The following SYK variants were observed in gnomAD, a reference collection of about 807,000 sequenced individuals.
The protein encoded by SYK is spleen associated tyrosine kinase, also known as tyrosine-protein kinase SYK.
In SYK, 16 loss-of-function variants were observed where a neutral mutation model predicts 77.8. The ratio of observed to expected loss-of-function variants is 0.21; its 90% CI spans 0.14 to 0.31. SYK has a LOEUF of 0.31. Among genes scored for constraint, SYK ranks in the 10% least tolerant of loss-of-function variants. The probability of loss-of-function intolerance (pLI) is 1.00; values close to 1 mark genes in which losing one functional copy is unlikely to be tolerated. For synonymous variants in SYK, 312 were observed against 308.7 expected (o/e 1.01, Z -0.11); for missense variants, 529 against 814.4 (o/e 0.65, Z 4.26).
chr9:90,878,704 T>C, intron 10 of SYK, 60 bp from the exon 11 acceptor site: 2 of 1,437,366 alleles, frequency 1.4e-6, no homozygotes, highest in East Asian at 4.6e-5. Context: ...AGGAGCATGG[T>C]TGTTTGTTGT....
At chr9:90,830,737 C>G (rs1197461882) in intron 1 of SYK, among the ~76,000 whole-genome samples, 3 of 152,102 alleles carry the variant, frequency 2.0e-5, no homozygotes, top group East Asian at 3.8e-4. Flanking sequence ...AGGCGCCCAC[C>G]ACCACGCCTG....
chr9:90,841,986 T>C (rs1310260250), intron 1 of SYK, among the ~76,000 whole-genome samples: 1 of 110,564 alleles, frequency 9.0e-6, no homozygotes, highest in Non-Finnish European at 2.2e-5. Context: ...TATGTAGTTT[T>C]TGTGTGTTGT....
chr9:90,862,165 T>C (rs751946153), intron 3 of SYK, 41 bp from the exon 4 acceptor site: 2 of 1,562,366 alleles, frequency 1.3e-6, no homozygotes. Flanking sequence ...ACCTGGAGAC[T>C]GGCGGGCCTG....
In SYK at chr9:90,823,552, C is replaced by A. The variant is rs147433437; in HGVS notation, c.-41-20306C>A. 2.6e-3 allele frequency among the ~76,000 whole-genome samples: 394 copies of A among 152,156 alleles called. 5 individuals are homozygous for A. Among genetic ancestry groups the A allele is most frequent in the East Asian group, 0.016 (81 of 5,180 alleles). Reference sequence around the variant, plus strand: ...CGTCATACCAATTATGTTCTCAGAACACAGTATAATTAAACTAGATATCAA... The same window carrying A: ...CGTCATACCAATTATGTTCTCAGAAAACAGTATAATTAAACTAGATATCAA... On this transcript the variant is annotated intron_variant, in intron 1 of 13. Coordinates refer to ENST00000375754, the MANE Select transcript of SYK (RefSeq NM_003177.7).
At chr9:90,825,451 A>G (rs1475387084) in intron 1 of SYK, among the ~76,000 whole-genome samples, 1 of 152,246 alleles carries the variant, frequency 6.6e-6, no homozygotes, top group African/African-American at 2.4e-5. Context: ...TGGAGGACTC[A>G]CACTACTCAA....
In SYK at chr9:90,804,802, AGG is replaced by A. The variant is rs995675550; in HGVS notation, c.-42+2911_-42+2912del. Among the ~76,000 whole-genome samples the A allele has an allele frequency of 1.6e-4, 25 of 152,318 alleles. 2 individuals are homozygous for A. Among genetic ancestry groups the A allele is most frequent in the African/African-American group, 5.3e-4 (22 of 41,578 alleles). On this transcript the variant is annotated intron_variant, in intron 1 of 13. Transcript: ENST00000375754. ...GGTTGGATTTGAATACTAGGAAAAA[AGG>A]GTTTTCTACTGAGGGATTGTGGGAA...
Position 90,878,895 on chromosome 9 carries a change from C to A in SYK, c.1523C>A (p.Ala508Asp). Reference protein sequence around the residue: ...RNVLLVTQHYAKISDFGLSKA... With the variant: ...RNVLLVTQHYDKISDFGLSKA... ...GTGTTGCTAGTTACCCAACATTACG[C>A]CAAGATCAGTGATTTCGGACTTTCC... The change falls in exon 11 of 14, where the codon GCC (alanine) becomes GAC (aspartate). Residue 508 changes from alanine (A) to aspartate (D), a missense_variant. Transcript: ENST00000375754. 6.2e-7 allele frequency: 1 copy of A among 1,614,112 alleles called. No individual in the cohort carries two copies. Among genetic ancestry groups the A allele is most frequent in the Non-Finnish European group, 8.5e-7 (1 of 1,179,972 alleles).
At chr9:90,862,102 C>T in intron 3 of SYK, 104 bp from the exon 4 acceptor site, 1 of 1,374,586 alleles carries the variant, frequency 7.3e-7, no homozygotes, top group Non-Finnish European at 9.6e-7. Context: ...GGTGACAGGC[C>T]CCAGAGAGCG....
intron 1 of SYK, among the ~76,000 whole-genome samples, chr9:90,807,225 C>T (rs10993695): frequency 6.6e-6 from 1 of 152,100 alleles, no homozygotes; most frequent in Non-Finnish European, 1.5e-5. Context: ...GCCACAGCCT[C>T]TTTGGGAAAC....
chr9:90,851,891 A>G (rs1362338297), intron 3 of SYK, among the ~76,000 whole-genome samples: 5 of 152,194 alleles, frequency 3.3e-5, no homozygotes, highest in Non-Finnish European at 1.5e-5. Flanking sequence ...TAGGCATACA[A>G]TAGAATGTAT....
At chr9:90,860,280 A>G (rs1443934977) in intron 3 of SYK, among the ~76,000 whole-genome samples, 1 of 152,134 alleles carries the variant, frequency 6.6e-6, no homozygotes, top group Non-Finnish European at 1.5e-5. Context: ...ATATGCATCC[A>G]CTCTTACTGC....
chr9:90,847,061 C>T (rs568174873), intron 3 of SYK, among the ~76,000 whole-genome samples: 172 of 152,288 alleles, frequency 1.1e-3, no homozygotes, highest in African/African-American at 3.9e-3. Context: ...TGTCTATTCC[C>T]GAAAACAGCA....
intron 9 of SYK, among the ~76,000 whole-genome samples, chr9:90,876,658 T>C (rs895771157): frequency 3.3e-5 from 5 of 152,230 alleles, no homozygotes; most frequent in African/African-American, 1.2e-4. Flanking sequence ...TAATTTCAAC[T>C]AGAGAATTTG....
chr9:90,832,472 C>G (rs1423253350), intron 1 of SYK, among the ~76,000 whole-genome samples: 2 of 152,242 alleles, frequency 1.3e-5, no homozygotes, highest in African/African-American at 2.4e-5. Flanking sequence ...AGTCCTCTAA[C>G]CATTTTCTAC....
At chr9:90,826,413 A>T (rs1825668254) in intron 1 of SYK, among the ~76,000 whole-genome samples, 1 of 152,282 alleles carries the variant, frequency 6.6e-6, no homozygotes, top group East Asian at 1.9e-4. Flanking sequence ...CATTCTGGCC[A>T]GCACTAAAGA....
intron 1 of SYK, among the ~76,000 whole-genome samples, chr9:90,834,805 G>T (rs1826011240): frequency 6.6e-6 from 1 of 152,094 alleles, no homozygotes; most frequent in Non-Finnish European, 1.5e-5. Flanking sequence ...TTTATATGTG[G>T]CCCAAGACAA....
chr9:90,810,296 C>A (rs564463841), intron 1 of SYK, among the ~76,000 whole-genome samples: 6 of 152,116 alleles, frequency 3.9e-5, no homozygotes, highest in Admixed American at 1.3e-4. Context: ...TGTGGGTGAC[C>A]ATCTCCAGCT....
intron 1 of SYK, among the ~76,000 whole-genome samples, chr9:90,805,675 C>T (rs1302922684): frequency 6.6e-6 from 1 of 152,192 alleles, no homozygotes; most frequent in Non-Finnish European, 1.5e-5. Context: ...TTTATTTTCC[C>T]ATGGTCAACC....
intron 9 of SYK, among the ~76,000 whole-genome samples, chr9:90,877,280 C>T (rs1054260843): frequency 6.6e-6 from 1 of 152,176 alleles, no homozygotes; most frequent in Non-Finnish European, 1.5e-5. Context: ...TGACCTCAAG[C>T]AATCCTCCCC....
Sources: gnomAD v4.1 joint callset for allele counts (sites outside exome capture counted in the v4.1 genomes callset) on GRCh38, gnomAD v4.1.1 for gene constraint, MANE v1.5 for transcripts, NCBI Gene and HGNC (gene_info 2026-07-23, HGNC 2026-07-21) for gene names.